Variants in APOL1 observed in about 807,000 individuals in gnomAD.
APOL1 encodes apolipoprotein L 1.
A neutral mutation model predicts 14.9 loss-of-function variants in APOL1; 17 were observed. The observed-to-expected ratio is 1.14, with a 90% CI of 0.78 to 1.71. The LOEUF (loss-of-function observed/expected upper bound fraction) is 1.71, where lower values mean the gene tolerates loss of function less well. Among genes scored for constraint, APOL1 ranks in the 40% most tolerant of loss-of-function variants. The probability of loss-of-function intolerance (pLI) is 0.00; values close to 1 mark genes in which losing one functional copy is unlikely to be tolerated. For missense variants in APOL1, 523 were observed against 485.9 expected (o/e 1.08, Z -0.72); for synonymous variants, 195 against 184.8 (o/e 1.05, Z -0.45).
At position 36,261,699 on chromosome 22, in the gene APOL1, C is replaced by T. The variant is rs749432798; in HGVS notation, c.291C>T (p.Phe97=). Residue 97 remains phenylalanine (F), a synonymous_variant, in exon 5 of 6, where the codon TTC becomes TTT. Coordinates refer to ENST00000397278, the MANE Select transcript of APOL1 (RefSeq NM_003661.4). ...LLTDNEAWNG[F]VAAAELPRNE... ...CTGATAATGAGGCCTGGAACGGATT[C>T]GTGGCTGCTGCTGAACTGCCCAGGT... is the stretch of plus-strand genomic sequence containing the variant. 8.7e-6 allele frequency: 14 copies of T among 1,613,896 alleles called. No individual in the cohort carries two copies. The highest frequency in any genetic ancestry group is 1.6e-4 in the Middle Eastern group (1 of 6,084).
In APOL1 at chr22:36,254,087, TG is replaced by T; in HGVS notation, c.-19-849del. 6 of 1,456,762 alleles carry T rather than the reference TG, an allele frequency of 4.1e-6. No homozygotes were observed. The South Asian group carries it at 4.6e-5, about 11-fold the overall frequency. 90.2% of individuals were successfully genotyped at this position (1,456,762 alleles called of 1,614,324 possible). ...TTGGATTATTAAAATCAAACATTTT[TG>T]CTTCAATATTAGAGTCACAAGGGCA... is the stretch of plus-strand genomic sequence containing the variant. On this transcript the variant is annotated intron_variant, in intron 1 of 5. Coordinates refer to ENST00000397278, the MANE Select transcript of APOL1 (RefSeq NM_003661.4).
chr22:36,261,901 A>G (rs1373211439), intron 5 of APOL1, among the ~76,000 whole-genome samples, 179 bp downstream of exon 5: 1 of 152,210 alleles, frequency 6.6e-6, no homozygotes, highest in East Asian at 1.9e-4. Context: ...GGCAGTGAGT[A>G]GCCTCAGGCT....
intron 4 of APOL1, among the ~76,000 whole-genome samples, chr22:36,258,400 A>C (rs188585689): frequency 3.9e-5 from 6 of 152,364 alleles, no homozygotes; most frequent in African/African-American, 1.4e-4. Context: ...TATCGGGTGA[A>C]TATGAAACTG....
intron 4 of APOL1, among the ~76,000 whole-genome samples, chr22:36,260,836 G>A (rs574528779): frequency 1.3e-5 from 2 of 152,324 alleles, no homozygotes; most frequent in African/African-American, 4.8e-5. Context: ...ACTCACCCCT[G>A]CTACGCTTGG....
Position 36,267,009 on chromosome 22 carries a change from C to G in APOL1, c.*976C>G, listed in dbSNP as rs1166991352. On this transcript the variant is annotated 3_prime_UTR_variant, in exon 6 of 6. Coordinates refer to ENST00000397278, the MANE Select transcript of APOL1 (RefSeq NM_003661.4). ...AAGAAAGAGCTGAAAATGGAGAAAGCCCAAGAGTTAGAACAGTTGGATACA... is the reference window on the plus strand; with the variant it reads ...AAGAAAGAGCTGAAAATGGAGAAAGGCCAAGAGTTAGAACAGTTGGATACA... 6.5e-6 allele frequency: 1 copy of G among 152,858 alleles called. No individual in the cohort carries two copies. The highest frequency in any genetic ancestry group is 2.4e-5 in the African/African-American group (1 of 41,432). 9.5% of individuals were successfully genotyped at this position (152,858 alleles called of 1,614,324 possible).
rs1441438229 is a variant in APOL1, at chr22:36,265,708, C to G, written c.872C>G (p.Ala291Gly). The change falls in exon 6 of 6, where the codon GCC becomes GGC. Residue 291 changes from alanine (A) to glycine (G), a missense_variant. By Grantham distance (60) the Ala-to-Gly change is moderately conservative. Coordinates refer to ENST00000397278, the MANE Select transcript of APOL1 (RefSeq NM_003661.4). ...KDIRALRRAR[A>G]NLQSVPHASA... ...ATCCGTGCCCTCAGACGAGCCAGAGCCAATCTTCAGTCAGTACCGCATGCC... is the reference window on the plus strand; with the variant it reads ...ATCCGTGCCCTCAGACGAGCCAGAGGCAATCTTCAGTCAGTACCGCATGCC... The G allele has an allele frequency of 1.9e-6, 3 of 1,612,366 alleles. No homozygotes were observed. Among genetic ancestry groups the G allele is most frequent in the Middle Eastern group, 3.3e-4 (2 of 6,052 alleles).
chr22:36,259,119 C>A (rs190939160), intron 4 of APOL1, among the ~76,000 whole-genome samples: 1 of 152,296 alleles, frequency 6.6e-6, no homozygotes, highest in East Asian at 1.9e-4. Context: ...TTGTTTGTAT[C>A]TAACAGAAGT....
At chr22:36,256,991 C>G (rs141087521) in intron 2 of APOL1, 92 bp from the exon 3 acceptor site, 3 of 1,399,570 alleles carry the variant, frequency 2.1e-6, no homozygotes, top group Non-Finnish European at 3.0e-6. Context: ...AACCTTCCTC[C>G]CCATCTCTAT....
chr22:36,263,298 G>C (rs185363412), intron 5 of APOL1, among the ~76,000 whole-genome samples: 48 of 152,336 alleles, frequency 3.2e-4, no homozygotes, highest in Non-Finnish European at 5.7e-4. Context: ...CATTGGAAGG[G>C]AGCAGATGCC....
In APOL1 at chr22:36,256,099, C is replaced by G. The variant is rs530401810; in HGVS notation, c.45-984C>G. ...CAGTGCTTCACATCCCAACTGCTAC[C>G]TTTGTGCTTTAAATTTTGTACTAAT... is the stretch of plus-strand genomic sequence containing the variant. On this transcript the variant is annotated intron_variant, in intron 2 of 5. Transcript: ENST00000397278. Among the ~76,000 whole-genome samples the G allele has an allele frequency of 2.6e-5, 4 of 152,262 alleles. No individual in the cohort carries two copies. The South Asian group carries it at 8.3e-4, about 32-fold the overall frequency.
Position 36,265,856 on chromosome 22 carries a change from T to A in APOL1, c.1020T>A (p.Pro340=). Residue 340 remains proline (P), a synonymous_variant, in exon 6 of 6, where the codon CCT becomes CCA. Transcript: ENST00000397278. ...GAGTCAAGCTCACGGATGTGGCCCCTGTAAGCTTCTTTCTTGTGCTGGATG... is the reference window on the plus strand; with the variant it reads ...GAGTCAAGCTCACGGATGTGGCCCCAGTAAGCTTCTTTCTTGTGCTGGATG... ...SRGVKLTDVA[P]VSFFLVLDVV... 1 of 1,614,208 alleles carries A rather than the reference T, an allele frequency of 6.2e-7. No individual in the cohort carries two copies. Among genetic ancestry groups the A allele is most frequent in the Non-Finnish European group, 8.5e-7 (1 of 1,180,038 alleles).
rs571917030 is a variant in APOL1 at position 36,266,708 on chromosome 22, A to G, written c.*675A>G. The G allele has an allele frequency of 1.4e-3, 505 of 351,056 alleles. 5 individuals carry two copies. Among genetic ancestry groups the G allele is most frequent in the South Asian group, 0.01 (73 of 6,972 alleles). 21.7% of individuals were successfully genotyped at this position (351,056 alleles called of 1,614,324 possible). ...ATCACGAGGTCAGGAGATCGAGACC[A>G]TCCTGGCTAACACAGTGAAACCCCG... On this transcript the variant is annotated 3_prime_UTR_variant, in exon 6 of 6. Coordinates refer to ENST00000397278, the MANE Select transcript of APOL1 (RefSeq NM_003661.4).
chr22:36,261,693 C>A lies in APOL1; in HGVS notation c.285C>A (p.Asn95Lys), dbSNP rs112074559. 3.7e-6 allele frequency: 6 copies of A among 1,614,028 alleles called. No individual in the cohort carries two copies. In the African/African-American group the frequency reaches 8.0e-5, roughly 22 times the overall value. Residue 95 changes from asparagine to lysine, a missense_variant, in exon 5 of 6, where the codon AAC becomes AAA. Transcript: ENST00000397278. The stretch of plus-strand genomic sequence containing the variant: ...TGCTGACTGATAATGAGGCCTGGAA[C>A]GGATTCGTGGCTGCTGCTGAACTGC... ...LLLLTDNEAW[N>K]GFVAAAELPR... is the part of the protein sequence containing the mutation.
chr22:36,265,970 G>C lies in APOL1; in HGVS notation c.1134G>C (p.Leu378=). 1 of 1,613,876 alleles carries C rather than the reference G, an allele frequency of 6.2e-7. No homozygotes were observed. Among genetic ancestry groups the C allele is most frequent in the Non-Finnish European group, 8.5e-7 (1 of 1,179,994 alleles). ...AEELKKVAQE[L]EEKLNILNNN... ...AGCTGAAGAAGGTGGCTCAGGAGCTGGAGGAGAAGCTAAACATTCTCAACA... is the reference window on the plus strand; with the variant it reads ...AGCTGAAGAAGGTGGCTCAGGAGCTCGAGGAGAAGCTAAACATTCTCAACA... The change falls in exon 6 of 6, where the codon CTG becomes CTC. Residue 378 remains leucine (L), a synonymous_variant. Coordinates refer to ENST00000397278, the MANE Select transcript of APOL1 (RefSeq NM_003661.4).
intron 5 of APOL1, among the ~76,000 whole-genome samples, chr22:36,264,796 G>A (rs136168): frequency 0.73 from 108,437 of 148,578 alleles, 41,021 homozygotes; most frequent in Admixed American, 0.83. Context: ...TTCACAGACA[G>A]GGAAACTGCA....
Position 36,266,861 on chromosome 22 carries a change from C to T in APOL1, c.*828C>T, listed in dbSNP as rs1282481956. On this transcript the variant is annotated 3_prime_UTR_variant, in exon 6 of 6. Coordinates refer to ENST00000397278, the MANE Select transcript of APOL1 (RefSeq NM_003661.4). ...TGGAGCTTGCAGTGAGCCGAGATAT[C>T]GCCACTGCACTCCAGCCTGGGTGAC... is the stretch of plus-strand genomic sequence containing the variant. The T allele has an allele frequency of 4.0e-5, 9 of 227,702 alleles. No individual in the cohort carries two copies. The highest frequency in any genetic ancestry group is 7.9e-5 in the East Asian group (1 of 12,712). The allele number at this position is 227,702 out of a possible 1,614,324, so 14.1% of individuals were successfully genotyped here.
In APOL1 at chr22:36,265,962, C is replaced by G. The variant is rs539280661; in HGVS notation, c.1126C>G (p.Gln376Glu). Residue 376 changes from glutamine (Q) to glutamate (E), a missense_variant, in exon 6 of 6, where the codon CAG becomes GAG. Transcript: ENST00000397278. ...AGCTGAGGAGCTGAAGAAGGTGGCT[C>G]AGGAGCTGGAGGAGAAGCTAAACAT... is the stretch of plus-strand genomic sequence containing the variant. ...ETAEELKKVA[Q>E]ELEEKLNILN... The G allele has an allele frequency of 6.2e-6, 10 of 1,614,016 alleles. No homozygotes were observed. The South Asian group carries it at 1.1e-4, about 18-fold the overall frequency.
At chr22:36,257,694 A>T in intron 4 of APOL1, 7 of 201,036 alleles carry the variant, frequency 3.5e-5, no homozygotes, top group East Asian at 8.4e-5. Context: ...AAGTGGAATC[A>T]GCGGGGGGGG....
In APOL1 at chr22:36,267,019, A is replaced by C. The variant is rs1441358077; in HGVS notation, c.*986A>C. On this transcript the variant is annotated 3_prime_UTR_variant, in exon 6 of 6. Transcript: ENST00000397278. Reference sequence around the variant, plus strand: ...TGAAAATGGAGAAAGCCCAAGAGTTAGAACAGTTGGATACAGGAGAAGAAA... The same window carrying C: ...TGAAAATGGAGAAAGCCCAAGAGTTCGAACAGTTGGATACAGGAGAAGAAA... 6.5e-6 allele frequency: 1 copy of C among 152,752 alleles called. No homozygotes were observed. Among genetic ancestry groups the C allele is most frequent in the Non-Finnish European group, 1.5e-5 (1 of 68,424 alleles). 9.5% of individuals were successfully genotyped at this position (152,752 alleles called of 1,614,324 possible).
Sources: gnomAD v4.1 joint callset for allele counts (sites outside exome capture counted in the v4.1 genomes callset) on GRCh38, gnomAD v4.1.1 for gene constraint, MANE v1.5 for transcripts, NCBI Gene and HGNC (gene_info 2026-07-23, HGNC 2026-07-21) for gene names.